The following ACAP3 variants were observed in gnomAD, a reference collection of about 807,000 sequenced individuals.
ACAP3 encodes the protein arf-GAP with coiled-coil, ANK repeat and PH domain-containing protein 3.
A neutral mutation model predicts 104.1 loss-of-function variants in ACAP3; 56 were observed. The observed-to-expected ratio is 0.54, with a 90% CI of 0.43 to 0.67. ACAP3 has a LOEUF of 0.67. ACAP3 is among the 30% of genes least tolerant of loss of function. The probability of loss-of-function intolerance (pLI) is 0.00; values close to 1 mark genes in which losing one functional copy is unlikely to be tolerated. For missense variants in ACAP3, 1,208 were observed against 1,174.9 expected, an observed-to-expected ratio of 1.03 and a Z score of -0.41; for synonymous variants, 628 against 496.2, an observed-to-expected ratio of 1.27 and a Z score of -3.53.
intron 12 of ACAP3, 78 bp from the exon 13 acceptor site, chr1:1,298,191 G>T: frequency 1.3e-6 from 2 of 1,562,404 alleles, no homozygotes; most frequent in Non-Finnish European, 1.7e-6. Context: ...TCACCTTGGA[G>T]ACCCGGAGGC....
At chr1:1,307,002 G>C in intron 1 of ACAP3, 1 of 459,998 alleles carries the variant, frequency 2.2e-6, no homozygotes, top group Non-Finnish European at 4.2e-6. Context: ...GGCACGCAGA[G>C]GGGCAAAGTT....
intron 22 of ACAP3, 50 bp downstream of exon 22, chr1:1,294,040 G>A (rs1570625807): frequency 4.0e-6 from 6 of 1,499,932 alleles, no homozygotes; most frequent in East Asian, 2.6e-5. Flanking sequence ...TAGCCGGGCC[G>A]GGGTAGGCGT....
rs1205886104 is a variant in ACAP3 at position 1,296,544 on chromosome 1, C to T, written c.1218G>A (p.Leu406=). ...RERGVKGESV[L]QRVQSVAGNS... The stretch of plus-strand genomic sequence containing the variant: ...TGCCGGCCACACTCTGCACACGCTG[C>T]AGCACACTCTCGCCCTTCACGCCAC... The change falls in exon 15 of 24, where the codon CTG becomes CTA. Residue 406 remains leucine, a synonymous_variant. Transcript: ENST00000354700. The T allele has an allele frequency of 6.5e-7, 1 of 1,539,826 alleles. No individual in the cohort carries two copies. Among genetic ancestry groups the T allele is most frequent in the Admixed American group, 2.0e-5 (1 of 51,008 alleles).
rs1226385170 is a variant in ACAP3, at chr1:1,296,486, G to C, written c.1276C>G (p.Pro426Ala). The C allele has an allele frequency of 1.3e-6, 2 of 1,543,830 alleles. No homozygotes were observed. Among genetic ancestry groups the C allele is most frequent in the African/African-American group, 2.7e-5 (2 of 73,058 alleles). Residue 426 changes from proline to alanine, a missense_variant, in exon 15 of 24, where the codon CCC (proline) becomes GCC (alanine). Physicochemically the swap from Pro to Ala is conservative, Grantham distance 27 (BLOSUM62 -1). Transcript: ENST00000354700. ...CCCAGGTTGATGCTGGCCCAGCGGG[G>C]GTCCGGCTGGCCGCAGTCGCCGCAC... Reference protein sequence around the residue: ...SQCGDCGQPDPRWASINLGVL... With the variant: ...SQCGDCGQPDARWASINLGVL...
At chr1:1,307,111 T>C in intron 1 of ACAP3, 1 of 1,165,136 alleles carries the variant, frequency 8.6e-7, no homozygotes, top group Non-Finnish European at 1.1e-6. Context: ...CATTGTCGTT[T>C]GCCAAATGTC....
At position 1,307,727 on chromosome 1, in the gene ACAP3, GC is replaced by G. The variant is rs1457322196; in HGVS notation, c.47+41del. On this transcript the variant is annotated intron_variant, in intron 1 of 23. Transcript: ENST00000354700. ...CGCCGGGCACAAAGGCGACAGCGAC[GC>G]CCCCGGCCTGCGCCCACCCCGGCGG... The G allele has an allele frequency of 7.4e-6, 8 of 1,085,004 alleles. No individual in the cohort carries two copies. The South Asian group carries it at 1.2e-4, about 17-fold the overall frequency. 67.2% of individuals were successfully genotyped at this position (1,085,004 alleles called of 1,614,324 possible).
chr1:1,296,596 A>C lies in ACAP3; in HGVS notation c.1166T>G (p.Ile389Ser), dbSNP rs1297480078. The C allele has an allele frequency of 1.3e-6, 2 of 1,539,200 alleles. No individual in the cohort carries two copies. The highest frequency in any genetic ancestry group is 4.9e-5 in the East Asian group (2 of 40,910). The part of the protein sequence containing the change: ...DRTASPSTSS[I>S]DSATDTRERG... ...CTCCCGAGTGTCGGTGGCGGAGTCG[A>C]TGCTGCTCGTGGACGGGGATGCTGT... is the stretch of plus-strand genomic sequence containing the variant. Residue 389 changes from isoleucine (I) to serine (S), a missense_variant, in exon 15 of 24, where the codon ATC becomes AGC. Physicochemically the swap from Ile to Ser is moderately radical, Grantham distance 142 (BLOSUM62 -2). Coordinates refer to ENST00000354700, the MANE Select transcript of ACAP3 (RefSeq NM_030649.3).
At position 1,307,859 on chromosome 1, in the gene ACAP3, C is replaced by CTCACTGGCA; in HGVS notation, c.-45_-44insTGCCAGTGA. The CTCACTGGCA allele has an allele frequency of 1.0e-6, 1 of 1,004,324 alleles. No individual in the cohort carries two copies. The highest frequency in any genetic ancestry group is 1.2e-6 in the Non-Finnish European group (1 of 841,122). 62.2% of individuals were successfully genotyped at this position (1,004,324 alleles called of 1,614,324 possible). A position where few individuals can be genotyped will look rare whatever the true frequency, so the allele number is the denominator to read the frequency against. On this transcript the variant is annotated 5_prime_UTR_variant, in exon 1 of 24. Transcript: ENST00000354700. ...GCTCACTGGCACGAGGACCGCGGCG[C>CTCACTGGCA]CGAGCGGCAGCCGCGCCGGCCCGGA...
chr1:1,293,903 C>G lies in ACAP3; in HGVS notation c.2280G>C (p.Ala760=). The G allele has an allele frequency of 6.3e-7, 1 of 1,580,454 alleles. No individual in the cohort carries two copies. Among genetic ancestry groups the G allele is most frequent in the Non-Finnish European group, 8.6e-7 (1 of 1,165,890 alleles). Residue 760 remains alanine (A), a synonymous_variant, in exon 23 of 24, where the codon GCG becomes GCC. Coordinates refer to ENST00000354700, the MANE Select transcript of ACAP3 (RefSeq NM_030649.3). Reference sequence around the variant, plus strand: ...GCTCTTGGTCCAGGGCGTGCTGGTCCGCGCCCCGCTTCAGGAACAGGCAAA... The same window carrying G: ...GCTCTTGGTCCAGGGCGTGCTGGTCGGCGCCCCGCTTCAGGAACAGGCAAA... ...GQVCLFLKRG[A]DQHALDQEQR... is the part of the protein sequence containing the mutation.
intron 5 of ACAP3, 73 bp downstream of exon 5, chr1:1,301,915 C>T (rs553133283): frequency 3.4e-4 from 479 of 1,422,230 alleles, no homozygotes; most frequent in Non-Finnish European, 4.4e-4. Context: ...TCTGCTCTGC[C>T]CCAGACCCCC....
intron 1 of ACAP3, among the ~76,000 whole-genome samples, chr1:1,306,333 G>A (rs1641693432): frequency 6.6e-6 from 1 of 150,852 alleles, no homozygotes; most frequent in African/African-American, 2.5e-5. Context: ...TCTGACGGAG[G>A]GGCCAGGGAG....
chr1:1,297,923 G>C lies in ACAP3; in HGVS notation c.1027C>G (p.Leu343Val). ...EVLSPTKSCM[L>V]QADSEKLRQA... ...CGCAGCTTCTCGGAGTCAGCCTGCA[G>C]CATGCAGCTCCTGCAGGCAGTGGAG... Residue 343 changes from leucine (L) to valine (V), a missense_variant, in exon 14 of 24, where the codon CTG (leucine) becomes GTG (valine). Coordinates refer to ENST00000354700, the MANE Select transcript of ACAP3 (RefSeq NM_030649.3). 6.2e-7 allele frequency: 1 copy of C among 1,611,972 alleles called. No individual in the cohort carries two copies. The highest frequency in any genetic ancestry group is 1.1e-5 in the South Asian group (1 of 91,056).
chr1:1,297,753 G>T (rs1484626121), intron 14 of ACAP3, 69 bp downstream of exon 14: 4 of 1,485,758 alleles, frequency 2.7e-6, no homozygotes, highest in Non-Finnish European at 3.7e-6. Context: ...GCACAGGCGC[G>T]GGGCAGGGGC....
chr1:1,295,995 C>T lies in ACAP3; in HGVS notation c.1502+20G>A. The T allele has an allele frequency of 1.2e-6, 2 of 1,612,786 alleles. No individual in the cohort carries two copies. The highest frequency in any genetic ancestry group is 1.7e-6 in the Non-Finnish European group (2 of 1,179,974). On this transcript the variant is annotated intron_variant, in intron 17 of 23. Coordinates refer to ENST00000354700, the MANE Select transcript of ACAP3 (RefSeq NM_030649.3). ...CCAGGCTGGGGCTCCCTGACTGATC[C>T]AGACTGTACCCCACCTCACCGGGAG... is the stretch of plus-strand genomic sequence containing the variant.
intron 5 of ACAP3, chr1:1,301,758 T>G (rs1453649729): frequency 2.1e-5 from 8 of 380,492 alleles, no homozygotes; most frequent in Non-Finnish European, 3.3e-5. Flanking sequence ...AAACCCAACG[T>G]GGACTGGACC....
intron 1 of ACAP3, 91 bp from the exon 2 acceptor site, chr1:1,304,234 C>G (rs1489245672): frequency 6.8e-7 from 1 of 1,469,356 alleles, no homozygotes; most frequent in African/African-American, 1.4e-5. Context: ...GGGGCTCCAC[C>G]ATGGGAAGGG....
intron 5 of ACAP3, among the ~76,000 whole-genome samples, chr1:1,301,294 C>T (rs1396650384): frequency 1.5e-5 from 2 of 131,232 alleles, no homozygotes; most frequent in Non-Finnish European, 3.2e-5. Context: ...GAGTCTCTCT[C>T]TGTCACCCAG....
At chr1:1,306,781 C>T (rs1044563885) in intron 1 of ACAP3, among the ~76,000 whole-genome samples, 9 of 152,266 alleles carry the variant, frequency 5.9e-5, no homozygotes, top group Middle Eastern at 3.2e-3. Flanking sequence ...TGCACAGACA[C>T]GCATCAACAT....
At position 1,302,845 on chromosome 1, in the gene ACAP3, G is replaced by A. The variant is rs569463433; in HGVS notation, c.279+77C>T. On this transcript the variant is annotated intron_variant, in intron 4 of 23. Coordinates refer to ENST00000354700, the MANE Select transcript of ACAP3 (RefSeq NM_030649.3). ...AGAAACGTGCCCCCCCCAACCCGAC[G>A]CCGGCCTTCAGGTGAGCCAGCGCAG... The A allele has an allele frequency of 5.8e-5, 73 of 1,251,442 alleles. 1 individual carries two copies. In the East Asian group the frequency reaches 1.6e-3, roughly 28 times the overall value. 77.5% of individuals were successfully genotyped at this position (1,251,442 alleles called of 1,614,324 possible).
Sources: allele counts gnomAD v4.1 joint callset (sites outside exome capture counted in the v4.1 genomes callset), GRCh38; gene constraint gnomAD v4.1.1; transcripts MANE v1.5; gene names NCBI Gene and HGNC (gene_info 2026-07-23, HGNC 2026-07-21).